The following ADAM11 variants were observed in gnomAD, a reference collection of about 807,000 sequenced individuals.
The protein encoded by ADAM11 is disintegrin and metalloproteinase domain-containing protein 11.
A neutral mutation model predicts 119.1 loss-of-function variants in ADAM11; 49 were observed. The observed-to-expected ratio is 0.41, with a 90% CI of 0.33 to 0.52. The LOEUF is 0.52. Among genes scored for constraint, ADAM11 ranks in the 20% least tolerant of loss-of-function variants. The pLI, the probability that ADAM11 is intolerant of heterozygous loss-of-function variation, is 0.20. For synonymous variants in ADAM11, 364 were observed against 408.0 expected, an observed-to-expected ratio of 0.89 and a Z score of 1.30; for missense variants, 777 against 1,047.5, an observed-to-expected ratio of 0.74 and a Z score of 3.56.
Position 44,775,738 on chromosome 17 carries a change from A to C in ADAM11, c.1485+62A>C. 1 of 1,486,962 alleles carries C rather than the reference A, an allele frequency of 6.7e-7. No homozygotes were observed. The highest frequency in any genetic ancestry group is 9.1e-7 in the Non-Finnish European group (1 of 1,104,722). The allele number at this position is 1,486,962 out of a possible 1,614,324, so 92.1% of individuals were successfully genotyped here. A position where few individuals can be genotyped will look rare whatever the true frequency, so the allele number is the denominator to read the frequency against. ...AGGAGGAGCGATTGGAGGCCTTCAT[A>C]TAAGGGGTGGGAGCTAGGGAGGGAA... On this transcript the variant is annotated intron_variant, in intron 17 of 26. Transcript: ENST00000200557. The surrounding 1 kb of genome is among the most constrained non-coding windows in gnomAD (Gnocchi z 7.5).
In ADAM11 at chr17:44,776,719, GC is replaced by G. The variant is rs2049606412; in HGVS notation, c.1567-25del. On this transcript the variant is annotated intron_variant, in intron 18 of 26. Coordinates refer to ENST00000200557, the MANE Select transcript of ADAM11 (RefSeq NM_002390.6). This position sits in a 1 kb window ranked among gnomAD's most constrained non-coding sequence, Gnocchi z 5.2. ...TCAGCTCCAGTCCTGGGACTGCTCC[GC>G]TCAACCCCACCCCTCTCTCCACAGT... The G allele has an allele frequency of 1.2e-6, 2 of 1,613,338 alleles. No individual in the cohort carries two copies. Among genetic ancestry groups the G allele is most frequent in the Non-Finnish European group, 1.7e-6 (2 of 1,179,718 alleles).
chr17:44,777,102 C>A lies in ADAM11; in HGVS notation c.1682-64C>A, dbSNP rs2049613476. 9 of 1,545,282 alleles carry A rather than the reference C, an allele frequency of 5.8e-6. No homozygotes were observed. The East Asian group carries it at 2.0e-4, about 35-fold the overall frequency. Reference sequence around the variant, plus strand: ...GGACCCAGGCAGAGTGTGGGAGATGCAGGCCTGAGGTCTTGGGGTGGGTCC... The same window carrying A: ...GGACCCAGGCAGAGTGTGGGAGATGAAGGCCTGAGGTCTTGGGGTGGGTCC... On this transcript the variant is annotated intron_variant, in intron 20 of 26. Transcript: ENST00000200557. The surrounding 1 kb of genome is among the most constrained non-coding windows in gnomAD (Gnocchi z 5.1).
chr17:44,772,824 G>C lies in ADAM11; in HGVS notation c.679-33G>C. Reference sequence around the variant, plus strand: ...GCCATGAGATCAGTCAGACATGGAAGGGACTGATTCCAAGTGCCCACCCAC... The same window carrying C: ...GCCATGAGATCAGTCAGACATGGAACGGACTGATTCCAAGTGCCCACCCAC... On this transcript the variant is annotated intron_variant, in intron 8 of 26. Coordinates refer to ENST00000200557, the MANE Select transcript of ADAM11 (RefSeq NM_002390.6). This position sits in a 1 kb window ranked among gnomAD's most constrained non-coding sequence, Gnocchi z 4.5. 6.3e-7 allele frequency: 1 copy of C among 1,599,510 alleles called. No homozygotes were observed. Among genetic ancestry groups the C allele is most frequent in the South Asian group, 1.1e-5 (1 of 90,538 alleles).
intron 2 of ADAM11, among the ~76,000 whole-genome samples, chr17:44,765,307 C>T (rs2049434310): frequency 6.6e-6 from 1 of 152,182 alleles, no homozygotes; most frequent in Non-Finnish European, 1.5e-5. Context: ...TCTGCAGCCA[C>T]CTGGCCCACA....
Position 44,771,739 on chromosome 17 carries a change from C to T in ADAM11, c.468-17C>T, listed in dbSNP as rs775195920. Reference sequence around the variant, plus strand: ...CAGGCCTGGGGACGGAGGGGAGCTGCGCCTCTCTCTCCACAGTGGGGTCTT... The same window carrying T: ...CAGGCCTGGGGACGGAGGGGAGCTGTGCCTCTCTCTCCACAGTGGGGTCTT... On this transcript the variant is annotated splice_polypyrimidine_tract_variant and intron_variant, in intron 5 of 26. Transcript: ENST00000200557. 15 of 1,613,532 alleles carry T rather than the reference C, an allele frequency of 9.3e-6. No individual in the cohort carries two copies. The highest frequency in any genetic ancestry group is 5.0e-5 in the Admixed American group (3 of 59,908).
intron 2 of ADAM11, among the ~76,000 whole-genome samples, chr17:44,767,614 C>T (rs1030018155): frequency 1.3e-5 from 2 of 152,216 alleles, no homozygotes; most frequent in Non-Finnish European, 2.9e-5. Context: ...TTTGGGGGCT[C>T]TCCCAGCCCC....
intron 2 of ADAM11, among the ~76,000 whole-genome samples, chr17:44,765,507 T>G (rs1411629967): frequency 6.6e-6 from 1 of 152,188 alleles, no homozygotes; most frequent in African/African-American, 2.4e-5. Context: ...CTGGAACATT[T>G]ACACTTCCTT....
rs73303581 is a variant in ADAM11, at chr17:44,768,981, C to T, written c.238-737C>T. On this transcript the variant is annotated intron_variant, in intron 2 of 26. Transcript: ENST00000200557. Reference sequence around the variant, plus strand: ...CTGGGGGGCCGCCATCTTGCTCTGGCGTGGTGTGTTGCTGTGGCAACCTGG... The same window carrying T: ...CTGGGGGGCCGCCATCTTGCTCTGGTGTGGTGTGTTGCTGTGGCAACCTGG... Among the ~76,000 whole-genome samples, 448 of 152,358 alleles carry T rather than the reference C, an allele frequency of 2.9e-3. 3 individuals carry two copies. The highest frequency in any genetic ancestry group is 0.01 in the African/African-American group (419 of 41,578).
intron 2 of ADAM11, among the ~76,000 whole-genome samples, chr17:44,769,276 G>A (rs1341470544): frequency 6.6e-6 from 1 of 152,184 alleles, no homozygotes; most frequent in African/African-American, 2.4e-5. Context: ...AGGGGGACAG[G>A]CAGCGAGGGT....
rs571786144 is a variant in ADAM11 at position 44,781,152 on chromosome 17, G to C, written c.*1398G>C. The C allele has an allele frequency of 6.6e-6, 1 of 152,344 alleles. No homozygotes were observed. Among genetic ancestry groups the C allele is most frequent in the East Asian group, 1.9e-4 (1 of 5,182 alleles). 9.4% of individuals were successfully genotyped at this position (152,344 alleles called of 1,614,324 possible). ...GGGTTGCCCTGCCCTCACTCGGCAGGGAGTTCTGACACCCCAGGGCCCGTG... is the reference window on the plus strand; with the variant it reads ...GGGTTGCCCTGCCCTCACTCGGCAGCGAGTTCTGACACCCCAGGGCCCGTG... On this transcript the variant is annotated 3_prime_UTR_variant, in exon 27 of 27. Coordinates refer to ENST00000200557, the MANE Select transcript of ADAM11 (RefSeq NM_002390.6).
chr17:44,778,321 C>T, intron 25 of ADAM11, 79 bp downstream of exon 25: 1 of 1,425,148 alleles, frequency 7.0e-7, no homozygotes, highest in South Asian at 1.3e-5. Flanking sequence ...CTGAGGGGGC[C>T]CTCCCTGAAA....
rs1343334524 is a variant in ADAM11 at position 44,765,700 on chromosome 17, A to C, written c.238-4018A>C. 3.8e-5 allele frequency among the ~76,000 whole-genome samples: 5 copies of C among 131,732 alleles called. No individual in the cohort carries two copies. The East Asian group carries it at 7.0e-4, about 19-fold the overall frequency. 86.4% of individuals were successfully genotyped at this position (131,732 alleles called of 152,430 possible). On this transcript the variant is annotated intron_variant, in intron 2 of 26. Transcript: ENST00000200557. ...CAGTGGCACGATCTTGGCTCACTGCAACCTCCGCCTCCCGGGTTCAAGCAA... is the reference window on the plus strand; with the variant it reads ...CAGTGGCACGATCTTGGCTCACTGCCACCTCCGCCTCCCGGGTTCAAGCAA...
In ADAM11 at chr17:44,771,588, C is replaced by T. The variant is rs1223269881; in HGVS notation, c.386C>T (p.Ala129Val). The T allele has an allele frequency of 3.7e-6, 6 of 1,611,186 alleles. No homozygotes were observed. The Admixed American group carries it at 8.4e-5, about 23-fold the overall frequency. ...CTCACTGTTCTGCTCCTTCAGGGGG[C>T]TGGAGACCACTGCTACTACCAGGGG... is the stretch of plus-strand genomic sequence containing the variant. Reference protein sequence around the residue: ...REGTTQHSTGAGDHCYYQGKL... With the variant: ...REGTTQHSTGVGDHCYYQGKL... The change falls in exon 5 of 27, where the codon GCT (alanine) becomes GTT (valine). Residue 129 changes from alanine to valine, a missense_variant. Coordinates refer to ENST00000200557, the MANE Select transcript of ADAM11 (RefSeq NM_002390.6).
In ADAM11 at chr17:44,779,257, A is replaced by AG; in HGVS notation, c.2294+23dup. 1.3e-6 allele frequency: 2 copies of AG among 1,575,260 alleles called. No individual in the cohort carries two copies. The highest frequency in any genetic ancestry group is 1.7e-4 in the Middle Eastern group (1 of 5,958). On this transcript the variant is annotated intron_variant, in intron 26 of 26. Transcript: ENST00000200557. ...CGAGGAAGGTACGACCCGACCCAGC[A>AG]GGGGGCAGTGTGATGCCGGCCACGT...
At chr17:44,765,418 G>A (rs1567688257) in intron 2 of ADAM11, among the ~76,000 whole-genome samples, 1 of 152,132 alleles carries the variant, frequency 6.6e-6, no homozygotes, top group East Asian at 1.9e-4. Flanking sequence ...TGGAGCATAA[G>A]GCTACCATTC....
Position 44,776,668 on chromosome 17 carries a change from C to A in ADAM11, c.1567-77C>A. ...GCCCCCAATGGGGGGCACTTGGTAC[C>A]CCAGCATTCCTCCCTGGGGCAGCCC... On this transcript the variant is annotated intron_variant, in intron 18 of 26. Transcript: ENST00000200557. This position sits in a 1 kb window ranked among gnomAD's most constrained non-coding sequence, Gnocchi z 5.2. 3 of 1,555,054 alleles carry A rather than the reference C, an allele frequency of 1.9e-6. No individual in the cohort carries two copies. The highest frequency in any genetic ancestry group is 2.6e-6 in the Non-Finnish European group (3 of 1,138,020).
rs890602041 is a variant in ADAM11, at chr17:44,772,601, C to T, written c.678+135C>T. The T allele has an allele frequency of 5.7e-6, 7 of 1,222,944 alleles. No individual in the cohort carries two copies. The highest frequency in any genetic ancestry group is 8.0e-6 in the Non-Finnish European group (7 of 880,104). The allele number at this position is 1,222,944 out of a possible 1,614,324, so 75.8% of individuals were successfully genotyped here. A position where few individuals can be genotyped will look rare whatever the true frequency, so the allele number is the denominator to read the frequency against. ...AGGCTCAGATGGATGTGGCTGGGGG[C>T]CAGGGACCGTGTCTGGGAGAAGCCC... On this transcript the variant is annotated intron_variant, in intron 8 of 26. Transcript: ENST00000200557. The surrounding 1 kb of genome is among the most constrained non-coding windows in gnomAD (Gnocchi z 4.5).
chr17:44,771,138 A>T (rs2049518185), intron 4 of ADAM11, among the ~76,000 whole-genome samples: 1 of 151,294 alleles, frequency 6.6e-6, no homozygotes, highest in Non-Finnish European at 1.5e-5. Context: ...ATAAATAAAT[A>T]CAAAAATTAG....
intron 2 of ADAM11, among the ~76,000 whole-genome samples, chr17:44,766,545 G>A (rs2049453034): frequency 6.6e-6 from 1 of 152,212 alleles, no homozygotes; most frequent in African/African-American, 2.4e-5. Flanking sequence ...CTGCCAGGCA[G>A]TCACAGCTGC....
Sources: allele counts gnomAD v4.1 joint callset (sites outside exome capture counted in the v4.1 genomes callset), GRCh38; gene constraint gnomAD v4.1.1; non-coding constraint Gnocchi (gnomAD v3.1); transcripts MANE v1.5; gene names NCBI Gene and HGNC (gene_info 2026-07-23, HGNC 2026-07-21).